PDCL2: variants seen among roughly 807,000 people sequenced by gnomAD.
PDCL2 encodes the protein phosducin-like protein 2.
Under a neutral mutation model 30.3 loss-of-function variants are expected in PDCL2, and 23 were observed. The ratio of observed to expected loss-of-function variants is 0.76; its 90% CI spans 0.55 to 1.08. The LOEUF (loss-of-function observed/expected upper bound fraction) is 1.08, where lower values mean the gene tolerates loss of function less well. Among genes scored for constraint, PDCL2 ranks in the 50% least tolerant of loss-of-function variants. The pLI is 0.00. For synonymous variants in PDCL2, 68 were observed against 86.2 expected (o/e 0.79, Z 1.17); for missense variants, 243 against 282.3 (o/e 0.86, Z 1.00).
chr4:55,574,073 T>G (rs1273542025), intron 3 of PDCL2, among the ~76,000 whole-genome samples: 1 of 152,134 alleles, frequency 6.6e-6, no homozygotes, highest in East Asian at 1.9e-4. Flanking sequence ...TTACTTTAAA[T>G]GAGGAATTTG....
intron 4 of PDCL2, among the ~76,000 whole-genome samples, chr4:55,568,550 T>C (rs1487552158): frequency 6.6e-6 from 1 of 152,202 alleles, no homozygotes; most frequent in Non-Finnish European, 1.5e-5. Flanking sequence ...GGACGACGTA[T>C]TAGATGGTAT....
intron 1 of PDCL2, among the ~76,000 whole-genome samples, chr4:55,587,216 TAAAAAAAAAAAAAAAA>T (rs869107656): frequency 1.6e-5 from 1 of 62,820 alleles, no homozygotes; most frequent in African/African-American, 7.5e-5. Flanking sequence ...GACAGAATAG[TAAAAAAAAAAAAAAAA>T]AAAAAAAAAA....
chr4:55,589,301 C>T (rs908519720), intron 1 of PDCL2, among the ~76,000 whole-genome samples: 1 of 152,132 alleles, frequency 6.6e-6, no homozygotes, highest in South Asian at 2.1e-4. Flanking sequence ...TTTCTGTCCT[C>T]GAAAACTTAT....
intron 5 of PDCL2, among the ~76,000 whole-genome samples, chr4:55,560,769 T>A (rs905050918): frequency 2.0e-5 from 3 of 152,084 alleles, no homozygotes; most frequent in Non-Finnish European, 4.4e-5. Context: ...TTGGGAGTGG[T>A]TAGACCATGA....
At chr4:55,570,384 T>C (rs886357798) in intron 3 of PDCL2, among the ~76,000 whole-genome samples, 1 of 152,224 alleles carries the variant, frequency 6.6e-6, no homozygotes, top group Non-Finnish European at 1.5e-5. Context: ...TTGTAATTAC[T>C]TGTTATAAAT....
chr4:55,587,250 A>G (rs1486658397), intron 1 of PDCL2, among the ~76,000 whole-genome samples: 3 of 143,684 alleles, frequency 2.1e-5, no homozygotes, highest in African/African-American at 5.2e-5. Flanking sequence ...AAAAAAAGGG[A>G]CATACTCTCT....
chr4:55,566,268 C>T (rs1297534826), intron 4 of PDCL2, among the ~76,000 whole-genome samples: 3 of 151,730 alleles, frequency 2.0e-5, no homozygotes, highest in Non-Finnish European at 4.4e-5. Flanking sequence ...AGGCATGAGC[C>T]ACCGAGCCTG....
intron 3 of PDCL2, among the ~76,000 whole-genome samples, chr4:55,574,114 G>A (rs1732501819): frequency 6.6e-6 from 1 of 152,074 alleles, no homozygotes; most frequent in Non-Finnish European, 1.5e-5. Context: ...GATAAGTACA[G>A]AATTTCTTAA....
chr4:55,556,585 C>A lies in PDCL2; in HGVS notation c.698G>T (p.Ser233Ile). 1 of 1,568,820 alleles carries A rather than the reference C, an allele frequency of 6.4e-7. No homozygotes were observed. Among genetic ancestry groups the A allele is most frequent in the South Asian group, 1.2e-5 (1 of 85,446 alleles). Reference sequence around the variant, plus strand: ...TTTGGTATCATTATCACTGTTGGAGCTATCACTGTCATCATGAATAGAAGT... The same window carrying A: ...TTTGGTATCATTATCACTGTTGGAGATATCACTGTCATCATGAATAGAAGT... The part of the protein sequence containing the change: ...RNTSIHDDSD[S>I]SNSDNDTK The change falls in exon 6 of 6, where the codon AGC becomes ATC. Residue 233 changes from serine (S) to isoleucine (I), a missense_variant. Coordinates refer to ENST00000295645, the MANE Select transcript of PDCL2 (RefSeq NM_152401.3).
intron 4 of PDCL2, 137 bp from the exon 5 acceptor site, chr4:55,562,749 T>C: frequency 1.8e-6 from 1 of 569,312 alleles, no homozygotes; most frequent in East Asian, 3.3e-5. Context: ...CCTCTATTGT[T>C]ACCTTTAGCA....
At chr4:55,591,092 C>T (rs546476485) in intron 1 of PDCL2, among the ~76,000 whole-genome samples, 2 of 152,198 alleles carry the variant, frequency 1.3e-5, no homozygotes, top group East Asian at 1.9e-4. Flanking sequence ...GTGCTTGCTA[C>T]GAATCCATTA....
intron 3 of PDCL2, among the ~76,000 whole-genome samples, chr4:55,573,475 C>T (rs1451431520): frequency 1.3e-5 from 2 of 152,064 alleles, no homozygotes; most frequent in Non-Finnish European, 2.9e-5. Flanking sequence ...TGAGGCCTGG[C>T]GTCATGGCTT....
At chr4:55,570,311 C>T (rs13144598) in intron 3 of PDCL2, among the ~76,000 whole-genome samples, 51,103 of 151,912 alleles carry the variant, frequency 0.34, 9,274 homozygotes, top group East Asian at 0.58. Flanking sequence ...TATTATTATC[C>T]CCATTTAAAT....
intron 4 of PDCL2, among the ~76,000 whole-genome samples, chr4:55,566,213 C>G (rs1732264552): frequency 1.3e-5 from 2 of 151,706 alleles, no homozygotes; most frequent in South Asian, 4.2e-4. Flanking sequence ...AACTCCCGAC[C>G]TCAGGTGATC....
intron 2 of PDCL2, 84 bp downstream of exon 2, chr4:55,582,033 T>C: frequency 3.2e-6 from 5 of 1,540,266 alleles, no homozygotes; most frequent in Non-Finnish European, 3.5e-6. Flanking sequence ...TAATGTCCTC[T>C]CTCCCACTAT....
chr4:55,578,401 G>T (rs141179653), intron 3 of PDCL2, among the ~76,000 whole-genome samples: 1 of 152,306 alleles, frequency 6.6e-6, no homozygotes, highest in African/African-American at 2.4e-5. Context: ...CTACTGAACT[G>T]AGGGCTGAAA....
intron 1 of PDCL2, among the ~76,000 whole-genome samples, chr4:55,584,906 T>A (rs1017828562): frequency 6.6e-6 from 1 of 152,212 alleles, no homozygotes; most frequent in Non-Finnish European, 1.5e-5. Flanking sequence ...ATACCTAATT[T>A]GTTGCAAGTT....
At chr4:55,557,969 A>T (rs1732017183) in intron 5 of PDCL2, among the ~76,000 whole-genome samples, 1 of 131,014 alleles carries the variant, frequency 7.6e-6, no homozygotes, top group Non-Finnish European at 1.7e-5. Context: ...AAAAAAAAAA[A>T]AATTAGCTGG....
At chr4:55,579,109 T>A (rs1394110216) in intron 3 of PDCL2, among the ~76,000 whole-genome samples, 1 of 152,152 alleles carries the variant, frequency 6.6e-6, no homozygotes, top group African/African-American at 2.4e-5. Context: ...ATCATATAAT[T>A]ATTGATTTTG....
Sources: allele counts gnomAD v4.1 joint callset (sites outside exome capture counted in the v4.1 genomes callset), GRCh38; gene constraint gnomAD v4.1.1; transcripts MANE v1.5; gene names NCBI Gene and HGNC (gene_info 2026-07-23, HGNC 2026-07-21).